MARF1: variants seen among roughly 807,000 people sequenced by gnomAD.
MARF1 encodes meiosis regulator and mRNA stability factor 1, also known as limkain-b1.
Under a neutral mutation model 168.2 loss-of-function variants are expected in MARF1, and 24 were observed. The ratio of observed to expected loss-of-function variants is 0.14; its 90% CI spans 0.10 to 0.20. The LOEUF (loss-of-function observed/expected upper bound fraction) is 0.20, where lower values mean the gene tolerates loss of function less well. MARF1 is among the 10% of genes least tolerant of loss of function. The probability of loss-of-function intolerance (pLI) is 1.00; values close to 1 mark genes in which losing one functional copy is unlikely to be tolerated. For synonymous variants in MARF1, 868 were observed against 822.4 expected, an observed-to-expected ratio of 1.06 and a Z score of -0.95; for missense variants, 1,744 against 2,143.6, an observed-to-expected ratio of 0.81 and a Z score of 3.68.
rs2035781069 is a variant in MARF1, at chr16:15,639,086, T to C, written c.144+4A>G. On this transcript the variant is annotated splice_donor_region_variant and intron_variant, in intron 2 of 26. Transcript: ENST00000396368. ...GCTACATCCTTAGTCTTGCATATAG[T>C]TACCGTTTGGGGACTATGTGGCAGC... The C allele has an allele frequency of 1.2e-6, 2 of 1,612,936 alleles. No individual in the cohort carries two copies. The highest frequency in any genetic ancestry group is 1.7e-6 in the Non-Finnish European group (2 of 1,179,460).
intron 20 of MARF1, 195 bp from the exon 21 acceptor site, chr16:15,608,713 A>T (rs1043179838): frequency 1.4e-5 from 8 of 580,216 alleles, no homozygotes; most frequent in African/African-American, 1.3e-4. Context: ...CCACTACTGG[A>T]CAGGAGATAT....
chr16:15,600,598 A>T, intron 24 of MARF1, 43 bp downstream of exon 24: 1 of 1,614,184 alleles, frequency 6.2e-7, no homozygotes, highest in Non-Finnish European at 8.5e-7. Flanking sequence ...TCAGTGAGAG[A>T]ACCGTGATTT....
rs764544538 is a variant in MARF1 at position 15,635,741 on chromosome 16, T to A, written c.746A>T (p.His249Leu). The A allele has an allele frequency of 6.2e-7, 1 of 1,614,080 alleles. No homozygotes were observed. Among genetic ancestry groups the A allele is most frequent in the African/African-American group, 1.3e-5 (1 of 74,918 alleles). The change falls in exon 3 of 27, where the codon CAC (histidine) becomes CTC (leucine). Residue 249 changes from histidine to leucine, a missense_variant. This residue lies in a region of MARF1 where 318 missense variants were observed against 336.6 expected (regional missense o/e 0.94). Transcript: ENST00000396368. ...EHISQSELTP[H>L]LCTNSLHLNV... ...AAGGTGCAAAGAGTTGGTGCACAAGTGAGGCGTTAGCTCCGACTGTGAAAT... is the reference window on the plus strand; with the variant it reads ...AAGGTGCAAAGAGTTGGTGCACAAGAGAGGCGTTAGCTCCGACTGTGAAAT...
chr16:15,600,578 G>C, intron 24 of MARF1, 25 bp from the exon 25 acceptor site: 1 of 1,614,200 alleles, frequency 6.2e-7, no homozygotes, highest in Non-Finnish European at 8.5e-7. Flanking sequence ...GCACCCGTCA[G>C]AGAGAAATGT....
chr16:15,598,538 T>G (rs1383452400), intron 26 of MARF1, among the ~76,000 whole-genome samples: 2 of 152,092 alleles, frequency 1.3e-5, no homozygotes, highest in African/African-American at 4.8e-5. Flanking sequence ...TGAGAGCAGC[T>G]GAACCTTCAC....
Position 15,608,349 on chromosome 16 carries a change from T to C in MARF1, c.4124A>G (p.Gln1375Arg), listed in dbSNP as rs1165648304. The change falls in exon 21 of 27, where the codon CAA (glutamine) becomes CGA (arginine). Residue 1375 changes from glutamine (Q) to arginine (R), a missense_variant. Gln to Arg is a conservative substitution (Grantham distance 43). Transcript: ENST00000396368. Reference sequence around the variant, plus strand: ...CGAAATGGAACTGACATCATAGTCTTGGAGACGAAATGTATAACCAAAAGT... The same window carrying C: ...CGAAATGGAACTGACATCATAGTCTCGGAGACGAAATGTATAACCAAAAGT... The part of the protein sequence containing the change: ...AKTFGYTFRL[Q>R]DYDVSSISAL... 1 of 1,613,870 alleles carries C rather than the reference T, an allele frequency of 6.2e-7. No individual in the cohort carries two copies. Among genetic ancestry groups the C allele is most frequent in the Admixed American group, 1.7e-5 (1 of 60,020 alleles).
At chr16:15,623,337 T>C (rs1226135878) in intron 10 of MARF1, among the ~76,000 whole-genome samples, 1 of 131,446 alleles carries the variant, frequency 7.6e-6, no homozygotes. Context: ...TGGAGTGCAA[T>C]GGCACGATCT....
chr16:15,603,787 T>C (rs889603342), intron 22 of MARF1, among the ~76,000 whole-genome samples: 4 of 152,090 alleles, frequency 2.6e-5, no homozygotes, highest in Non-Finnish European at 4.4e-5. Flanking sequence ...CTGGCCAACC[T>C]TCCTTTCTGC....
intron 25 of MARF1, among the ~76,000 whole-genome samples, chr16:15,599,347 C>T (rs909788424): frequency 3.3e-5 from 5 of 151,932 alleles, no homozygotes; most frequent in East Asian, 1.9e-4. Flanking sequence ...ACGGGGTGTA[C>T]GTAGTTAACA....
At chr16:15,603,905 C>T (rs1408714830) in intron 22 of MARF1, among the ~76,000 whole-genome samples, 3 of 152,034 alleles carry the variant, frequency 2.0e-5, no homozygotes, top group African/African-American at 2.4e-5. Context: ...CACCCCAGAG[C>T]CAGGATCAGG....
rs1460970742 is a variant in MARF1 at position 15,604,177 on chromosome 16, G to A, written c.4404C>T (p.Tyr1468=). 1.2e-6 allele frequency: 2 copies of A among 1,612,062 alleles called. No individual in the cohort carries two copies. Among genetic ancestry groups the A allele is most frequent in the African/African-American group, 2.7e-5 (2 of 74,886 alleles). Residue 1468 remains tyrosine (Y), a synonymous_variant, in exon 22 of 27, where the codon TAC becomes TAT. Coordinates refer to ENST00000396368, the MANE Select transcript of MARF1 (RefSeq NM_014647.4). ...CCATTAACGTGCCTACCTCAACCAAGTATGGCAGGCTCTTCAGCAGTTCGG... is the reference window on the plus strand; with the variant it reads ...CCATTAACGTGCCTACCTCAACCAAATATGGCAGGCTCTTCAGCAGTTCGG... The part of the protein sequence containing the change: ...TLTELLKSLP[Y]LVEVFTNDKM...
chr16:15,614,543 T>A (rs1269756406), intron 16 of MARF1, among the ~76,000 whole-genome samples: 1 of 145,906 alleles, frequency 6.9e-6, no homozygotes, highest in Non-Finnish European at 1.5e-5. Flanking sequence ...CCCAGCACTT[T>A]GGGAGGCTGA....
intron 2 of MARF1, 32 bp downstream of exon 2, chr16:15,639,058 T>A: frequency 6.3e-7 from 1 of 1,595,824 alleles, no homozygotes; most frequent in South Asian, 1.1e-5. Flanking sequence ...GGATGAGGAA[T>A]CTGCTACATC....
rs1192874790 is a variant in MARF1 at position 15,595,768 on chromosome 16, C to T, written c.*925G>A. On this transcript the variant is annotated 3_prime_UTR_variant, in exon 27 of 27. Transcript: ENST00000396368. Reference sequence around the variant, plus strand: ...ATTCCTGTCTCTTCCCAGTGGAAATCGTATTGATCCCGCTGCTGCTGAAGC... The same window carrying T: ...ATTCCTGTCTCTTCCCAGTGGAAATTGTATTGATCCCGCTGCTGCTGAAGC... 1 of 152,292 alleles carries T rather than the reference C, an allele frequency of 6.6e-6. No individual in the cohort carries two copies. The highest frequency in any genetic ancestry group is 2.4e-5 in the African/African-American group (1 of 41,566). 9.4% of individuals were successfully genotyped at this position (152,292 alleles called of 1,614,324 possible). A position where few individuals can be genotyped will look rare whatever the true frequency, so the allele number is the denominator to read the frequency against.
At chr16:15,634,034 G>A (rs141863634) in intron 4 of MARF1, among the ~76,000 whole-genome samples, 191 bp from the exon 5 acceptor site, 15 of 152,278 alleles carry the variant, frequency 9.9e-5, no homozygotes, top group African/African-American at 3.4e-4. Flanking sequence ...CACTCTAAGA[G>A]ATTATTTCTG....
At chr16:15,622,909 G>A (rs199748057) in intron 11 of MARF1, 25 bp downstream of exon 11, 100 of 1,551,950 alleles carry the variant, frequency 6.4e-5, no homozygotes, top group South Asian at 2.3e-4. Context: ...GTATAACAAA[G>A]CAAGCACAAG....
At chr16:15,602,857 C>T (rs908932053) in intron 22 of MARF1, 1 of 293,490 alleles carries the variant, frequency 3.4e-6, no homozygotes, top group Non-Finnish European at 6.7e-6. Context: ...AACCAGTTTT[C>T]CAAGAAACAC....
chr16:15,631,307 A>C, intron 6 of MARF1, 74 bp downstream of exon 6: 1 of 1,008,966 alleles, frequency 9.9e-7, no homozygotes, highest in Non-Finnish European at 1.6e-6. Flanking sequence ...TTTTACTTTC[A>C]CATGTTGCTG....
At position 15,609,581 on chromosome 16, in the gene MARF1, G is replaced by C. The variant is rs1266929695; in HGVS notation, c.3896C>G (p.Ala1299Gly). Residue 1299 changes from alanine to glycine, a missense_variant, in exon 20 of 27, where the codon GCG becomes GGG. Ala to Gly is a moderately conservative substitution (Grantham distance 60). Around this residue, in one of 7 missense-constraint regions of MARF1, gnomAD observed 543 missense variants for 742.1 expected, o/e 0.73. Coordinates refer to ENST00000396368, the MANE Select transcript of MARF1 (RefSeq NM_014647.4). ...AAGTAGTTTGGTAAACCCATAGTACGCAAGTTTGCACTGCCGGCCAAAGTG... is the reference window on the plus strand; with the variant it reads ...AAGTAGTTTGGTAAACCCATAGTACCCAAGTTTGCACTGCCGGCCAAAGTG... The part of the protein sequence containing the change: ...HHHFGRQCKL[A>G]YYGFTKLLEL... The C allele has an allele frequency of 1.9e-6, 3 of 1,613,964 alleles. No individual in the cohort carries two copies. Among genetic ancestry groups the C allele is most frequent in the African/African-American group, 2.7e-5 (2 of 74,910 alleles).
Sources: gnomAD v4.1 joint callset for allele counts (sites outside exome capture counted in the v4.1 genomes callset) on GRCh38, gnomAD v4.1.1 for gene constraint, gnomAD v4.1.1 regional missense constraint, MANE v1.5 for transcripts, NCBI Gene and HGNC (gene_info 2026-07-23, HGNC 2026-07-21) for gene names.